Variants in EML6 observed in about 807,000 individuals in gnomAD.
EML6 encodes echinoderm microtubule-associated protein-like 6.
A neutral mutation model predicts 240.1 loss-of-function variants in EML6; 154 were observed. That is an observed-to-expected ratio of 0.64 (90% CI 0.56 to 0.73). The LOEUF is 0.73. EML6 is among the 30% of genes least tolerant of loss of function. The pLI, the probability that EML6 is intolerant of heterozygous loss-of-function variation, is 0.00. For missense variants in EML6, 2,964 were observed against 2,474.6 expected (o/e 1.20, Z -4.20); for synonymous variants, 1,148 against 899.0 (o/e 1.28, Z -4.95).
intron 2 of EML6, among the ~76,000 whole-genome samples, chr2:54,737,681 C>T (rs1404135120): frequency 1.3e-5 from 2 of 152,210 alleles, no homozygotes; most frequent in Admixed American, 1.3e-4. Context: ...CTATTCTAAA[C>T]ACAGCAGCCA....
rs1671128071 is a variant in EML6, at chr2:54,869,211, G to T, written c.2082G>T (p.Leu694=). The change falls in exon 15 of 42, where the codon CTG becomes CTT. Residue 694 remains leucine (L), a synonymous_variant. Coordinates refer to ENST00000356458, the MANE Select transcript of EML6 (RefSeq NM_001039753.4). ...GAGGCTACGACTGTAGAAACAATCT[G>T]TTCTACACACAAGCTGGAGAAGTAG... ...GYRGYDCRNN[L]FYTQAGEVVY... The T allele has an allele frequency of 6.4e-7, 1 of 1,551,184 alleles. No homozygotes were observed. The highest frequency in any genetic ancestry group is 1.4e-5 in the African/African-American group (1 of 73,010).
At chr2:54,892,741 G>C (rs765679298) in intron 19 of EML6, 85 bp downstream of exon 19, 25 of 1,057,568 alleles carry the variant, frequency 2.4e-5, no homozygotes, top group African/African-American at 2.2e-4. Context: ...GAGGATGCCT[G>C]TATCTAAAAC....
chr2:54,746,925 A>G (rs1488810696), intron 2 of EML6, among the ~76,000 whole-genome samples: 1 of 152,214 alleles, frequency 6.6e-6, no homozygotes, highest in South Asian at 2.1e-4. Context: ...GTCACTCAGT[A>G]GATATCCCAG....
At chr2:54,854,233 G>T (rs1055340028) in intron 11 of EML6, among the ~76,000 whole-genome samples, 1 of 152,106 alleles carries the variant, frequency 6.6e-6, no homozygotes, top group Non-Finnish European at 1.5e-5. Flanking sequence ...GAAAAGCAAA[G>T]GAAATCCTTT....
chr2:54,723,829 T>C (rs1314538584), intron 1 of EML6, 52 bp downstream of exon 1: 1 of 151,618 alleles, frequency 6.6e-6, no homozygotes, highest in Non-Finnish European at 1.5e-5. Flanking sequence ...GGTTCGAGAG[T>C]GGGAGGAGTG....
chr2:54,924,836 T>G (rs1246065844), intron 26 of EML6, among the ~76,000 whole-genome samples: 1 of 152,194 alleles, frequency 6.6e-6, no homozygotes, highest in Non-Finnish European at 1.5e-5. Context: ...GTGCTGGGAT[T>G]ACAGGCGTGA....
chr2:54,926,153 G>C (rs752727844), intron 26 of EML6, among the ~76,000 whole-genome samples: 1 of 152,188 alleles, frequency 6.6e-6, no homozygotes, highest in Non-Finnish European at 1.5e-5. Flanking sequence ...CAAGGCTGTA[G>C]TGCAGTGGTG....
At chr2:54,910,611 G>C (rs912755540) in intron 24 of EML6, among the ~76,000 whole-genome samples, 1 of 152,146 alleles carries the variant, frequency 6.6e-6, no homozygotes, top group African/African-American at 2.4e-5. Flanking sequence ...TTGCTGAGAG[G>C]CAACTGGGAA....
chr2:54,844,552 A>G (rs1027853660), intron 8 of EML6, among the ~76,000 whole-genome samples: 2 of 152,192 alleles, frequency 1.3e-5, no homozygotes, highest in African/African-American at 2.4e-5. Flanking sequence ...TGATGAAACC[A>G]TATTGTCCCC....
At chr2:54,775,304 C>T (rs2103822239) in intron 2 of EML6, among the ~76,000 whole-genome samples, 1 of 152,344 alleles carries the variant, frequency 6.6e-6, no homozygotes, top group Non-Finnish European at 1.5e-5. Context: ...TCTCTGACCC[C>T]ATTTCTGTCC....
chr2:54,921,679 A>G (rs1474221718), intron 26 of EML6, among the ~76,000 whole-genome samples: 1 of 152,140 alleles, frequency 6.6e-6, no homozygotes, highest in Non-Finnish European at 1.5e-5. Context: ...TACATTTCAA[A>G]CTATATTACA....
At chr2:54,892,240 T>C (rs1672511128) in intron 18 of EML6, among the ~76,000 whole-genome samples, 1 of 152,168 alleles carries the variant, frequency 6.6e-6, no homozygotes, top group African/African-American at 2.4e-5. Context: ...AGCGCTGCAC[T>C]TACCACATGT....
At chr2:54,944,182 C>G (rs1324623217) in intron 28 of EML6, among the ~76,000 whole-genome samples, 1 of 152,140 alleles carries the variant, frequency 6.6e-6, no homozygotes, top group Non-Finnish European at 1.5e-5. Context: ...ATGTCACTGA[C>G]TCCCATCTCT....
rs371095584 is a variant in EML6 at position 54,898,454 on chromosome 2, G to A, written c.2983-1187G>A. On this transcript the variant is annotated intron_variant, in intron 21 of 41. Coordinates refer to ENST00000356458, the MANE Select transcript of EML6 (RefSeq NM_001039753.4). ...GCTGTACCCTGACTGTGACTCTGGG[G>A]CTGGGAGGCTTCCAAAGAGAAGGCT... is the stretch of plus-strand genomic sequence containing the variant. Among the ~76,000 whole-genome samples the A allele has an allele frequency of 3.4e-4, 52 of 152,262 alleles. No homozygotes were observed. In the East Asian group the frequency reaches 6.0e-3, roughly 18 times the overall value.
intron 36 of EML6, 82 bp from the exon 37 acceptor site, chr2:54,963,904 T>A: frequency 7.3e-7 from 1 of 1,367,614 alleles, no homozygotes; most frequent in East Asian, 2.5e-5. Context: ...CAGCCTGACT[T>A]CTCTGGCCTG....
At chr2:54,881,453 G>A (rs1287099496) in intron 17 of EML6, 1 of 152,040 alleles carries the variant, frequency 6.6e-6, no homozygotes, top group East Asian at 1.9e-4. Flanking sequence ...TCAGGAGTTC[G>A]AGACCAGCCT....
chr2:54,841,311 C>T (rs934245238), intron 7 of EML6, among the ~76,000 whole-genome samples: 10 of 152,186 alleles, frequency 6.6e-5, no homozygotes, highest in South Asian at 2.1e-4. Context: ...CTCCTCCTGG[C>T]GGGAATAATA....
At chr2:54,941,500 T>C (rs763001285) in intron 28 of EML6, among the ~76,000 whole-genome samples, 8 of 152,216 alleles carry the variant, frequency 5.3e-5, no homozygotes, top group Non-Finnish European at 1.0e-4. Flanking sequence ...TTTGTGGGCC[T>C]GTATTGTTAG....
chr2:54,849,855 G>C (rs1488578738), intron 9 of EML6, 107 bp from the exon 10 acceptor site: 1 of 843,336 alleles, frequency 1.2e-6, no homozygotes, highest in Admixed American at 2.7e-5. Context: ...AATTCCTGCA[G>C]GTTTGGTTCT....
Sources: allele counts gnomAD v4.1 joint callset (sites outside exome capture counted in the v4.1 genomes callset), GRCh38; gene constraint gnomAD v4.1.1; transcripts MANE v1.5; gene names NCBI Gene and HGNC (gene_info 2026-07-23, HGNC 2026-07-21).